The following KIF9 variants were observed in gnomAD, a reference collection of about 807,000 sequenced individuals.
KIF9 encodes kinesin-like protein KIF9.
A neutral mutation model predicts 94.8 loss-of-function variants in KIF9; 68 were observed. The ratio of observed to expected loss-of-function variants is 0.72; its 90% CI spans 0.59 to 0.88. KIF9 has a LOEUF of 0.88. Among genes scored for constraint, KIF9 ranks in the 40% least tolerant of loss-of-function variants. The pLI, the probability that KIF9 is intolerant of heterozygous loss-of-function variation, is 0.00. For synonymous variants in KIF9, 343 were observed against 362.1 expected, an observed-to-expected ratio of 0.95 and a Z score of 0.60; for missense variants, 882 against 982.5, an observed-to-expected ratio of 0.90 and a Z score of 1.37.
chr3:47,244,706 G>T, intron 15 of KIF9, 85 bp downstream of exon 15: 4 of 1,509,494 alleles, frequency 2.6e-6, no homozygotes, highest in Non-Finnish European at 3.6e-6. Flanking sequence ...AGACACCAGG[G>T]GGAAAGTGGG....
intron 10 of KIF9, among the ~76,000 whole-genome samples, chr3:47,251,337 G>A (rs4683326): frequency 0.57 from 86,755 of 151,986 alleles, 24,912 homozygotes; most frequent in Non-Finnish European, 0.6. Context: ...AGGTCAAGGC[G>A]GGCAGATCAC....
chr3:47,260,737 C>A (rs962702235), intron 9 of KIF9, among the ~76,000 whole-genome samples: 2 of 152,238 alleles, frequency 1.3e-5, no homozygotes, highest in African/African-American at 2.4e-5. Flanking sequence ...CTCAGGCACT[C>A]CAGCTCCCAA....
At chr3:47,276,555 CAAAAAAAAAAAAAA>C (rs752825599) in intron 2 of KIF9, among the ~76,000 whole-genome samples, 4 of 58,700 alleles carry the variant, frequency 6.8e-5, no homozygotes, top group Non-Finnish European at 1.4e-4. Flanking sequence ...GACTCTGTCT[CAAAAAAAAAAAAAA>C]AAAAAGAAAA....
chr3:47,282,367 TCA>T lies in KIF9; in HGVS notation c.-6+126_-6+127del, dbSNP rs1024140291. The T allele has an allele frequency of 6.1e-6, 6 of 985,790 alleles. No individual in the cohort carries two copies. The African/African-American group carries it at 1.0e-4, about 17-fold the overall frequency. 61.1% of individuals were successfully genotyped at this position (985,790 alleles called of 1,614,324 possible). On this transcript the variant is annotated intron_variant, in intron 1 of 20. Transcript: ENST00000684063. ...CGTCGAGCCCTCCTTCGCCTGGGTT[TCA>T]GAGATGAGCGACCCAGCTGGGAACC...
rs116326157 is a variant in KIF9 at position 47,236,038 on chromosome 3, G to A, written c.2213C>T (p.Ser738Phe). 3.1e-6 allele frequency: 5 copies of A among 1,612,808 alleles called. No homozygotes were observed. Among genetic ancestry groups the A allele is most frequent in the Admixed American group, 3.3e-5 (2 of 60,024 alleles). ...CCCTGCCCCTGTGCCGCTCACCAGA[G>A]ACACAATCCTGTTCACAGGGACCAT... is the stretch of plus-strand genomic sequence containing the variant. ...PGMVPVNRIV[S>F]LGEDDQDKFS... The change falls in exon 19 of 21, where the codon TCT becomes TTT. Residue 738 changes from serine to phenylalanine, a missense_variant. By Grantham distance (155) the Ser-to-Phe change is radical (BLOSUM62 -2). Coordinates refer to ENST00000684063, the MANE Select transcript of KIF9 (RefSeq NM_182902.4).
chr3:47,243,489 ACGCTTGGG>A, intron 15 of KIF9: 2 of 354,706 alleles, frequency 5.6e-6, no homozygotes, highest in Non-Finnish European at 1.0e-5. Flanking sequence ...TTGGCAGGAG[ACGCTTGGG>A]AAAAATGGGT....
At chr3:47,279,818 C>T (rs1020160223) in intron 1 of KIF9, among the ~76,000 whole-genome samples, 2 of 152,096 alleles carry the variant, frequency 1.3e-5, no homozygotes, top group South Asian at 4.2e-4. Context: ...GGGGTTTCAC[C>T]GTGTTAGCCA....
rs369828303 is a variant in KIF9, at chr3:47,239,952, A to T, written c.1924+849T>A. The T allele has an allele frequency of 5.1e-6, 7 of 1,366,358 alleles. No individual in the cohort carries two copies. The African/African-American group carries it at 1.0e-4, about 20-fold the overall frequency. The allele number at this position is 1,366,358 out of a possible 1,614,324, so 84.6% of individuals were successfully genotyped here. ...CAGTAAGACTGAGCCAGGAGTGTGA[A>T]GAACAGTGTGGCCTCTGAACCACCT... is the stretch of plus-strand genomic sequence containing the variant. On this transcript the variant is annotated intron_variant, in intron 17 of 20. Coordinates refer to ENST00000684063, the MANE Select transcript of KIF9 (RefSeq NM_182902.4).
In KIF9 at chr3:47,267,058, C is replaced by T. The variant is rs772217849; in HGVS notation, c.686G>A (p.Arg229Gln). Residue 229 changes from arginine to glutamine, a missense_variant, in exon 7 of 21, where the codon CGG (arginine) becomes CAG (glutamine). Coordinates refer to ENST00000684063, the MANE Select transcript of KIF9 (RefSeq NM_182902.4). The stretch of plus-strand genomic sequence containing the variant: ...GATGTACTTTTCCTCTGATAAGGTC[C>T]GGGAATGGGCCTACAAAACATCCAA... ...IFTIYLEAHS[R>Q]TLSEEKYITS... is the part of the protein sequence containing the mutation. The T allele has an allele frequency of 5.6e-6, 9 of 1,613,586 alleles. No individual in the cohort carries two copies. In the East Asian group the frequency reaches 6.7e-5, roughly 12 times the overall value.
chr3:47,258,700 T>C (rs1700772038), intron 9 of KIF9, among the ~76,000 whole-genome samples: 1 of 152,134 alleles, frequency 6.6e-6, no homozygotes, highest in South Asian at 2.1e-4. Flanking sequence ...AGACGTCTTC[T>C]CCTGCTTTGC....
chr3:47,264,491 C>T (rs1000098136), intron 8 of KIF9, 141 bp from the exon 9 acceptor site: 9 of 641,132 alleles, frequency 1.4e-5, no homozygotes, highest in African/African-American at 5.4e-5. Flanking sequence ...GGCTGTAGTG[C>T]AGTGACACAA....
At chr3:47,240,661 G>T in intron 17 of KIF9, 140 bp downstream of exon 17, 1 of 697,288 alleles carries the variant, frequency 1.4e-6, no homozygotes, top group Non-Finnish European at 2.5e-6. Flanking sequence ...TAAGTGATCT[G>T]ACCTATGGGT....
intron 10 of KIF9, among the ~76,000 whole-genome samples, chr3:47,254,860 C>T (rs1041392170): frequency 9.2e-5 from 14 of 152,116 alleles, no homozygotes; most frequent in Admixed American, 2.6e-4. Context: ...AAAAGGGCAT[C>T]TTCAGGCCCC....
rs542331308 is a variant in KIF9 at position 47,245,138 on chromosome 3, G to C, written c.1381-214C>G. ...ACTTTCCACATGCACCCCCTCACCA[G>C]TATGGCACCTCATTCCATACTCTGG... is the stretch of plus-strand genomic sequence containing the variant. On this transcript the variant is annotated intron_variant, in intron 14 of 20. Coordinates refer to ENST00000684063, the MANE Select transcript of KIF9 (RefSeq NM_182902.4). The C allele has an allele frequency of 4.8e-4, 295 of 619,606 alleles. 1 individual carries two copies. The South Asian group carries it at 5.8e-3, about 12-fold the overall frequency. 38.4% of individuals were successfully genotyped at this position (619,606 alleles called of 1,614,324 possible).
intron 20 of KIF9, among the ~76,000 whole-genome samples, 191 bp from the exon 21 acceptor site, chr3:47,228,893 C>G (rs1698349554): frequency 6.6e-6 from 1 of 152,136 alleles, no homozygotes; most frequent in African/African-American, 2.4e-5. Flanking sequence ...TTCTTTTATC[C>G]TAAAGAAAGT....
At chr3:47,245,562 C>T (rs1387228664) in intron 13 of KIF9, 51 bp from the exon 14 acceptor site, 1 of 1,415,630 alleles carries the variant, frequency 7.1e-7, no homozygotes, top group Non-Finnish European at 1.0e-6. Flanking sequence ...ATGCTGAATC[C>T]ACTGGGGCAA....
intron 17 of KIF9, chr3:47,239,641 G>A (rs1699317748): frequency 9.5e-7 from 1 of 1,055,956 alleles, no homozygotes; most frequent in Non-Finnish European, 1.2e-6. Context: ...AGACTGGAGT[G>A]CAGTGGCGCA....
intron 5 of KIF9, among the ~76,000 whole-genome samples, chr3:47,269,768 A>AT (rs36108313): frequency 0.044 from 3,815 of 86,366 alleles, 705 homozygotes; most frequent in African/African-American, 0.16. Context: ...CTCCCAGCTA[A>AT]TTTTTTTTTT....
chr3:47,267,087 GAA>G lies in KIF9; in HGVS notation c.676-21_676-20del. The G allele has an allele frequency of 6.2e-7, 1 of 1,610,438 alleles. No homozygotes were observed. On this transcript the variant is annotated intron_variant, in intron 6 of 20. Coordinates refer to ENST00000684063, the MANE Select transcript of KIF9 (RefSeq NM_182902.4). ...AATGGGCCTACAAAACATCCAAGCAGAAGTTAGACTGTCACAGGGAGAAGTTT... is the reference window on the plus strand; with the variant it reads ...AATGGGCCTACAAAACATCCAAGCAGGTTAGACTGTCACAGGGAGAAGTTT...
Sources: allele counts gnomAD v4.1 joint callset (sites outside exome capture counted in the v4.1 genomes callset), GRCh38; gene constraint gnomAD v4.1.1; transcripts MANE v1.5; gene names NCBI Gene and HGNC (gene_info 2026-07-23, HGNC 2026-07-21).